The following ITPR2 variants were observed in gnomAD, a reference collection of about 807,000 sequenced individuals.
ITPR2 encodes the protein inositol 1,4,5-trisphosphate-gated calcium channel ITPR2.
Under a neutral mutation model 317.1 loss-of-function variants are expected in ITPR2, and 207 were observed. The ratio of observed to expected loss-of-function variants is 0.65; its 90% CI spans 0.58 to 0.73. The LOEUF (loss-of-function observed/expected upper bound fraction) is 0.73. Ranked by LOEUF, ITPR2 falls within the 30% of genes least tolerant of loss-of-function variation. The pLI is 0.00. For missense variants in ITPR2, 2,613 were observed against 3,284.0 expected (o/e 0.80, Z 4.99); for synonymous variants, 1,156 against 1,149.1 (o/e 1.01, Z -0.12).
At chr12:26,548,982 T>C (rs1330282238) in intron 37 of ITPR2, among the ~76,000 whole-genome samples, 1 of 152,216 alleles carries the variant, frequency 6.6e-6, no homozygotes, top group Non-Finnish European at 1.5e-5. Flanking sequence ...ACTTGCCATG[T>C]ACCTCCTGTT....
At chr12:26,713,194 A>G (rs942096791) in intron 8 of ITPR2, among the ~76,000 whole-genome samples, 20 of 152,208 alleles carry the variant, frequency 1.3e-4, no homozygotes, top group African/African-American at 4.8e-4. Context: ...TGCATTGCTT[A>G]TCTGCATTCA....
chr12:26,347,057 G>T (rs1291017136), intron 55 of ITPR2, among the ~76,000 whole-genome samples: 6 of 152,130 alleles, frequency 3.9e-5, no homozygotes, highest in Non-Finnish European at 5.9e-5. Flanking sequence ...AGAAAGTTTA[G>T]GTTTCCTTGA....
chr12:26,405,146 AAG>A lies in ITPR2; in HGVS notation c.7400-4890_7400-4889del, dbSNP rs201759376. Among the ~76,000 whole-genome samples, 64 of 151,790 alleles carry A rather than the reference AAG, an allele frequency of 4.2e-4. 1 individual carries two copies. The highest frequency in any genetic ancestry group is 1.4e-3 in the African/African-American group (58 of 41,386). On this transcript the variant is annotated intron_variant, in intron 52 of 56. Transcript: ENST00000381340. Reference sequence around the variant, plus strand: ...CAAAACTCTGTCTCAAAAAAAAAAAAAGAAGAAGAAGAAGAAAGAAGGAGGAG... The same window carrying A: ...CAAAACTCTGTCTCAAAAAAAAAAAAAAGAAGAAGAAGAAAGAAGGAGGAG...
intron 34 of ITPR2, among the ~76,000 whole-genome samples, chr12:26,574,735 T>C (rs1455821650): frequency 6.6e-6 from 1 of 152,084 alleles, no homozygotes; most frequent in Non-Finnish European, 1.5e-5. Context: ...TGGTGAGGCC[T>C]CAGGAAGCTT....
chr12:26,359,027 T>A (rs893055363), intron 55 of ITPR2, among the ~76,000 whole-genome samples: 1 of 152,250 alleles, frequency 6.6e-6, no homozygotes, highest in Non-Finnish European at 1.5e-5. Context: ...TGCTTTGCTT[T>A]CCATCATTAG....
At position 26,335,884 on chromosome 12, in the gene ITPR2, G is replaced by C. The variant is rs918744303; in HGVS notation, c.*3513C>G. Reference sequence around the variant, plus strand: ...TGTCTCCTCTGCGGTGCACCGTGTCGTGTATCACAGCATATTGGAATGGGT... The same window carrying C: ...TGTCTCCTCTGCGGTGCACCGTGTCCTGTATCACAGCATATTGGAATGGGT... On this transcript the variant is annotated 3_prime_UTR_variant, in exon 57 of 57. Coordinates refer to ENST00000381340, the MANE Select transcript of ITPR2 (RefSeq NM_002223.4). 1 of 152,270 alleles carries C rather than the reference G, an allele frequency of 6.6e-6. No individual in the cohort carries two copies. Among genetic ancestry groups the C allele is most frequent in the South Asian group, 2.1e-4 (1 of 4,820 alleles). The allele number at this position is 152,270 out of a possible 1,614,324, so 9.4% of individuals were successfully genotyped here.
At chr12:26,541,995 T>C (rs986852037) in intron 37 of ITPR2, among the ~76,000 whole-genome samples, 8 of 152,240 alleles carry the variant, frequency 5.3e-5, no homozygotes, top group African/African-American at 1.9e-4. Flanking sequence ...CATTGTCTGC[T>C]ACCACTATTC....
intron 52 of ITPR2, chr12:26,406,594 A>G (rs1046672654): frequency 2.6e-5 from 4 of 152,130 alleles, no homozygotes; most frequent in African/African-American, 9.7e-5. Context: ...GCTACTGTGT[A>G]TGTCTGTACC....
chr12:26,414,577 G>A (rs1940661489), intron 51 of ITPR2, among the ~76,000 whole-genome samples: 1 of 151,992 alleles, frequency 6.6e-6, no homozygotes, highest in African/African-American at 2.4e-5. Flanking sequence ...ATAAACTTCA[G>A]AAGCTTAACC....
In ITPR2 at chr12:26,655,795, T is replaced by C; in HGVS notation, c.2502A>G (p.Thr834=). 1 of 1,612,458 alleles carries C rather than the reference T, an allele frequency of 6.2e-7. No homozygotes were observed. The highest frequency in any genetic ancestry group is 1.1e-5 in the South Asian group (1 of 91,056). Residue 834 remains threonine (T), a synonymous_variant, in exon 20 of 57, where the codon ACA becomes ACG. Coordinates refer to ENST00000381340, the MANE Select transcript of ITPR2 (RefSeq NM_002223.4). The part of the protein sequence containing the change: ...RNDMKRKFAL[T]MEFVEEYLKE... ...TCAAATATTCTTCAACAAATTCCAT[T>C]GTCAGGGCAAATTTCCTCTTCATAT...
intron 55 of ITPR2, among the ~76,000 whole-genome samples, chr12:26,346,887 T>C (rs1259221633): frequency 1.3e-5 from 2 of 152,150 alleles, no homozygotes; most frequent in Non-Finnish European, 2.9e-5. Context: ...CAGCTCGTCA[T>C]TCTGTGAGCT....
In ITPR2 at chr12:26,442,853, A is replaced by G. The variant is rs867595430; in HGVS notation, c.6450+690T>C. On this transcript the variant is annotated intron_variant, in intron 46 of 56. Transcript: ENST00000381340. ...TCTGCCAAAATGAATGAATGTATAA[A>G]TGTAAATTATAGGAGTGACAAGCGT... Among the ~76,000 whole-genome samples, 5 of 152,152 alleles carry G rather than the reference A, an allele frequency of 3.3e-5. No individual in the cohort carries two copies. The South Asian group carries it at 6.2e-4, about 19-fold the overall frequency.
chr12:26,579,073 G>A (rs1945337006), intron 33 of ITPR2, among the ~76,000 whole-genome samples: 1 of 151,936 alleles, frequency 6.6e-6, no homozygotes, highest in African/African-American at 2.4e-5. Context: ...TTCTTAATCA[G>A]AAAAAAATAT....
At chr12:26,371,376 C>A (rs781047184) in intron 55 of ITPR2, among the ~76,000 whole-genome samples, 105 of 151,958 alleles carry the variant, frequency 6.9e-4, no homozygotes, top group Non-Finnish European at 6.5e-4. Context: ...TTATTAAGAC[C>A]CTTTGGGTTT....
chr12:26,695,674 G>A (rs1467361526), intron 9 of ITPR2, 24 bp from the exon 10 acceptor site: 1 of 1,561,842 alleles, frequency 6.4e-7, no homozygotes, highest in South Asian at 1.1e-5. Context: ...GGAAAATTTA[G>A]TTTTTCATTG....
chr12:26,410,449 C>T (rs1355157909), intron 52 of ITPR2, among the ~76,000 whole-genome samples: 3 of 152,088 alleles, frequency 2.0e-5, no homozygotes, highest in Non-Finnish European at 4.4e-5. Flanking sequence ...AGGAAAAGGC[C>T]GTTTAGGAAA....
At chr12:26,653,462 G>A (rs561065462) in intron 21 of ITPR2, among the ~76,000 whole-genome samples, 3 of 151,962 alleles carry the variant, frequency 2.0e-5, no homozygotes, top group African/African-American at 7.3e-5. Flanking sequence ...GGATGGTCTC[G>A]ATCTCCTGAC....
At position 26,666,014 on chromosome 12, in the gene ITPR2, C is replaced by T. The variant is rs755273881; in HGVS notation, c.1447G>A (p.Val483Ile). Reference protein sequence around the residue: ...TKLLEDLIFFVADVPNNGQEV... With the variant: ...TKLLEDLIFFIADVPNNGQEV... ...TGTCCATTATTAGGCACATCAGCAACAAAGAATATGAGATCTTCCAATAAT... is the reference window on the plus strand; with the variant it reads ...TGTCCATTATTAGGCACATCAGCAATAAAGAATATGAGATCTTCCAATAAT... Residue 483 changes from valine to isoleucine, a missense_variant, in exon 14 of 57, where the codon GTT becomes ATT. Coordinates refer to ENST00000381340, the MANE Select transcript of ITPR2 (RefSeq NM_002223.4). The T allele has an allele frequency of 1.9e-6, 3 of 1,612,772 alleles. No individual in the cohort carries two copies. The highest frequency in any genetic ancestry group is 1.3e-5 in the African/African-American group (1 of 74,920).
At chr12:26,719,952 A>G (rs894279505) in intron 5 of ITPR2, among the ~76,000 whole-genome samples, 1 of 152,206 alleles carries the variant, frequency 6.6e-6, no homozygotes, top group African/African-American at 2.4e-5. Flanking sequence ...AAAATGAAAA[A>G]TTAACTATTC....
Sources: allele counts gnomAD v4.1 joint callset (sites outside exome capture counted in the v4.1 genomes callset), GRCh38; gene constraint gnomAD v4.1.1; transcripts MANE v1.5; gene names NCBI Gene and HGNC (gene_info 2026-07-23, HGNC 2026-07-21).